Variants in NAT1 observed in about 807,000 individuals in gnomAD.
The protein encoded by NAT1 is arylamine N-acetyltransferase 1.
For synonymous variants in NAT1, 144 were observed against 122.6 expected, an observed-to-expected ratio of 1.17 and a Z score of -1.16; for missense variants, 400 against 339.2, an observed-to-expected ratio of 1.18 and a Z score of -1.41.
At chr8:18,202,649 T>A (rs1803513911) in intron 2 of NAT1, among the ~76,000 whole-genome samples, 1 of 151,956 alleles carries the variant, frequency 6.6e-6, no homozygotes, top group Non-Finnish European at 1.5e-5. Flanking sequence ...CTATTAAAGG[T>A]GGTGCGTCCG....
chr8:18,221,197 G>C (rs1407983302), intron 2 of NAT1, among the ~76,000 whole-genome samples: 1 of 151,852 alleles, frequency 6.6e-6, no homozygotes, highest in East Asian at 1.9e-4. Context: ...GCAGTTTCCA[G>C]CTTAAGGCCT....
At chr8:18,208,643 T>G (rs1435875674), upstream of NAT1, among the ~76,000 whole-genome samples, 1 of 152,190 alleles carries the variant, frequency 6.6e-6, no homozygotes, top group Admixed American at 6.5e-5. Flanking sequence ...GGCGGCACAG[T>G]GTGAAGACAG....
At chr8:18,205,907 C>T (rs1013464827), upstream of NAT1, among the ~76,000 whole-genome samples, 4 of 152,134 alleles carry the variant, frequency 2.6e-5, no homozygotes, top group Admixed American at 1.3e-4. Flanking sequence ...TGGACTGGCC[C>T]TATTTGATGG....
At chr8:18,178,827 C>T (rs1311903866) in intron 2 of NAT1, among the ~76,000 whole-genome samples, 1 of 152,044 alleles carries the variant, frequency 6.6e-6, no homozygotes, top group African/African-American at 2.4e-5. Flanking sequence ...CATTCAGTTT[C>T]CTCTCTGTTC....
rs554003131 is a variant in NAT1, at chr8:18,193,186, C to T, written n.93-16595C>T. Among the ~76,000 whole-genome samples the T allele has an allele frequency of 3.3e-4, 49 of 148,812 alleles. No homozygotes were observed. The South Asian group carries it at 4.2e-3, about 13-fold the overall frequency. ...CTTGACCTCCTGGGCTCAAGCAATC[C>T]TCCACCTCAGCCACTCAAGTAGGTA... On this transcript the variant is annotated intron_variant and non_coding_transcript_variant, in intron 2 of 4. Coordinates refer to the NAT1 transcript ENST00000517441.
At position 18,181,484 on chromosome 8, in the gene NAT1, C is replaced by G. The variant is rs188739291; in HGVS notation, n.92+10745C>G. On this transcript the variant is annotated intron_variant and non_coding_transcript_variant, in intron 2 of 4. Coordinates refer to the NAT1 transcript ENST00000517441. ...TTTTTTGTGGAGTCCTTACGTTTTT[C>G]TAAATATAACACCATGTCATCTGTA... 8.6e-4 allele frequency among the ~76,000 whole-genome samples: 131 copies of G among 152,216 alleles called. 1 individual carries two copies. The highest frequency in any genetic ancestry group is 3.1e-3 in the African/African-American group (130 of 41,552).
chr8:18,206,701 T>G (rs926620414), upstream of NAT1, among the ~76,000 whole-genome samples: 1 of 152,258 alleles, frequency 6.6e-6, no homozygotes, highest in African/African-American at 2.4e-5. Context: ...AAGTTCCTTA[T>G]AGACGCTGGA....
Position 18,218,885 on chromosome 8 carries a change from G to C in NAT1, c.-85-526G>C, listed in dbSNP as rs147421664. ...AGGTGAGGGGAGGTGGCTATGACAA[G>C]AGATGCTCTGATAGCGGATCTTCTG... On this transcript the variant is annotated intron_variant, in intron 1 of 2. Coordinates refer to ENST00000307719, the MANE Select transcript of NAT1 (RefSeq NM_000662.8). 4.1e-3 allele frequency among the ~76,000 whole-genome samples: 628 copies of C among 152,244 alleles called. 4 individuals are homozygous for C. The highest frequency in any genetic ancestry group is 0.014 in the African/African-American group (599 of 41,534).
At chr8:18,188,237 G>C (rs1488673679) in intron 2 of NAT1, among the ~76,000 whole-genome samples, 1 of 152,140 alleles carries the variant, frequency 6.6e-6, no homozygotes, top group Non-Finnish European at 1.5e-5. Context: ...GTAACTGTAA[G>C]AAAGCAACAT....
intron 2 of NAT1, among the ~76,000 whole-genome samples, chr8:18,192,764 C>G (rs1589073604): frequency 6.6e-6 from 1 of 151,720 alleles, no homozygotes; most frequent in Admixed American, 6.6e-5. Context: ...ACTGCATGTT[C>G]TCACCCATAG....
intron 2 of NAT1, among the ~76,000 whole-genome samples, chr8:18,193,241 C>A (rs967391290): frequency 6.7e-6 from 1 of 149,670 alleles, no homozygotes; most frequent in Non-Finnish European, 1.5e-5. Context: ...CCACACCTGG[C>A]TAATTTTTAA....
chr8:18,179,575 C>A lies in NAT1; in HGVS notation n.92+8836C>A, dbSNP rs562983686. Among the ~76,000 whole-genome samples the A allele has an allele frequency of 4.6e-5, 7 of 152,276 alleles. No homozygotes were observed. The South Asian group carries it at 1.0e-3, about 23-fold the overall frequency. Reference sequence around the variant, plus strand: ...AATGAGCACAGAAAGAAGGGCAGAACTGATTTTGGTGCATGATTAGCAGTC... The same window carrying A: ...AATGAGCACAGAAAGAAGGGCAGAAATGATTTTGGTGCATGATTAGCAGTC... On this transcript the variant is annotated intron_variant and non_coding_transcript_variant, in intron 2 of 4. Transcript: ENST00000517441.
intron 2 of NAT1, among the ~76,000 whole-genome samples, chr8:18,194,692 T>C (rs1383973989): frequency 6.6e-6 from 1 of 151,776 alleles, no homozygotes; most frequent in Non-Finnish European, 1.5e-5. Context: ...TGGTGGCAGG[T>C]ACCTGCAATC....
At chr8:18,196,219 G>A (rs1372070274) in intron 2 of NAT1, among the ~76,000 whole-genome samples, 1 of 151,930 alleles carries the variant, frequency 6.6e-6, no homozygotes, top group East Asian at 1.9e-4. Flanking sequence ...CAAAGTGCTA[G>A]GATTGCAGGC....
upstream of NAT1, among the ~76,000 whole-genome samples, chr8:18,206,838 T>C (rs367550318): frequency 3.1e-4 from 47 of 152,322 alleles, no homozygotes; most frequent in East Asian, 1.2e-3. Context: ...TTGGGCAGTA[T>C]GGCCATTTTC....
At chr8:18,181,419 T>G (rs1257017874) in intron 2 of NAT1, among the ~76,000 whole-genome samples, 1 of 152,170 alleles carries the variant, frequency 6.6e-6, no homozygotes, top group Non-Finnish European at 1.5e-5. Flanking sequence ...AATGTTGATT[T>G]TGCATCTTGC....
At chr8:18,178,082 T>G (rs1044084620) in intron 2 of NAT1, among the ~76,000 whole-genome samples, 1 of 151,956 alleles carries the variant, frequency 6.6e-6, no homozygotes, top group Non-Finnish European at 1.5e-5. Context: ...ATGATTGGAG[T>G]CATGGGACAG....
chr8:18,171,747 T>C (rs1339416002), intron 2 of NAT1, among the ~76,000 whole-genome samples: 1 of 152,184 alleles, frequency 6.6e-6, no homozygotes, highest in Non-Finnish European at 1.5e-5. Context: ...AGAAACATTG[T>C]GGAACATTCT....
In NAT1 at chr8:18,213,869, G is replaced by A. The variant is rs570640277; in HGVS notation, c.-86+3689G>A. Among the ~76,000 whole-genome samples, 9 of 150,390 alleles carry A rather than the reference G, an allele frequency of 6.0e-5. No individual in the cohort carries two copies. The South Asian group carries it at 1.7e-3, about 28-fold the overall frequency. On this transcript the variant is annotated intron_variant, in intron 1 of 2. Coordinates refer to ENST00000307719, the MANE Select transcript of NAT1 (RefSeq NM_000662.8). ...CTCACTCTCGCCCAGGCCGGGGTGC[G>A]GTGGCACTATCTCGGCTCACTGCAA...
Sources: allele counts gnomAD v4.1 joint callset (sites outside exome capture counted in the v4.1 genomes callset), GRCh38; gene constraint gnomAD v4.1.1; transcripts MANE v1.5; gene names NCBI Gene and HGNC (gene_info 2026-07-23, HGNC 2026-07-21).